Variants in IL1RAPL1 observed in about 807,000 individuals in gnomAD.
IL1RAPL1 encodes the protein interleukin-1 receptor accessory protein-like 1.
In IL1RAPL1, 3 loss-of-function variants were observed where a neutral mutation model predicts 48.4. The ratio of observed to expected loss-of-function variants is 0.06; its 90% CI spans 0.03 to 0.16. The LOEUF (loss-of-function observed/expected upper bound fraction) is 0.16, where lower values mean the gene tolerates loss of function less well. IL1RAPL1 is among the 10% of genes least tolerant of loss of function. The probability of loss-of-function intolerance (pLI) is 1.00; values close to 1 mark genes in which losing one functional copy is unlikely to be tolerated. For synonymous variants in IL1RAPL1, 185 were observed against 187.7 expected (o/e 0.99, Z 0.12); for missense variants, 349 against 530.6 (o/e 0.66, Z 3.36).
At chrX:29,331,933 T>C (rs1602175394) in intron 3 of IL1RAPL1, among the ~76,000 whole-genome samples, 1 of 110,497 alleles carries the variant, frequency 9.1e-6, no homozygotes, top group African/African-American at 3.3e-5. Flanking sequence ...ATCATAATTA[T>C]AAGAAATCAC....
intron 6 of IL1RAPL1, among the ~76,000 whole-genome samples, chrX:29,900,894 A>G (rs1333581497): frequency 8.9e-6 from 1 of 111,985 alleles, no homozygotes. Flanking sequence ...CTGGGTAACA[A>G]GGATACCCCA....
At chrX:29,257,698 G>A (rs1367674135) in intron 2 of IL1RAPL1, among the ~76,000 whole-genome samples, 1 of 111,529 alleles carries the variant, frequency 9.0e-6, no homozygotes, top group Admixed American at 9.6e-5. Flanking sequence ...AATTCCTTAG[G>A]GGATATGCTT....
intron 5 of IL1RAPL1, among the ~76,000 whole-genome samples, chrX:29,584,254 TCTC>T (rs776583590): frequency 9.0e-5 from 10 of 111,312 alleles, no homozygotes; most frequent in Non-Finnish European, 1.5e-4. Context: ...CTACAGCAAT[TCTC>T]CTTTTTCTCC....
intron 6 of IL1RAPL1, among the ~76,000 whole-genome samples, chrX:29,783,186 G>T (rs919397634): frequency 9.1e-6 from 1 of 110,163 alleles, no homozygotes; most frequent in East Asian, 2.8e-4. Flanking sequence ...TTACAGGCGT[G>T]AGCCACCGCG....
chrX:28,940,368 A>G (rs749855073), intron 2 of IL1RAPL1, among the ~76,000 whole-genome samples: 14 of 111,511 alleles, frequency 1.3e-4, no homozygotes, highest in Admixed American at 3.8e-4. Flanking sequence ...CTTGAAACTG[A>G]TTTGAATTGA....
chrX:29,253,108 AACATG>A (rs1290666583), intron 2 of IL1RAPL1, among the ~76,000 whole-genome samples: 1 of 111,245 alleles, frequency 9.0e-6, no homozygotes. Context: ...AAAGTGAAAT[AACATG>A]TCTAAGATTA....
chrX:29,255,361 G>T (rs780471954), intron 2 of IL1RAPL1, among the ~76,000 whole-genome samples: 1 of 109,504 alleles, frequency 9.1e-6, no homozygotes, highest in South Asian at 3.9e-4. Flanking sequence ...ATTCATGGTC[G>T]TTGAAGTATC....
At chrX:28,907,452 G>C (rs1190409669) in intron 2 of IL1RAPL1, among the ~76,000 whole-genome samples, 2 of 111,288 alleles carry the variant, frequency 1.8e-5, no homozygotes, top group African/African-American at 6.5e-5. Context: ...ACGGGGTTTT[G>C]CCATGTTGAC....
At chrX:29,829,194 A>G (rs1194561963) in intron 6 of IL1RAPL1, among the ~76,000 whole-genome samples, 8 of 104,681 alleles carry the variant, frequency 7.6e-5, no homozygotes, top group Admixed American at 7.1e-4. Flanking sequence ...ACACACACAC[A>G]CACACACACA....
chrX:29,611,824 G>A (rs892950791), intron 5 of IL1RAPL1, among the ~76,000 whole-genome samples: 1 of 110,698 alleles, frequency 9.0e-6, no homozygotes, highest in African/African-American at 3.3e-5. Context: ...TGGATGGGGA[G>A]CTCGAAAGGG....
At chrX:28,681,104 T>C (rs1176676931) in intron 1 of IL1RAPL1, among the ~76,000 whole-genome samples, 1 of 111,739 alleles carries the variant, frequency 8.9e-6, no homozygotes, top group Non-Finnish European at 1.9e-5. Flanking sequence ...TTGTTATTGG[T>C]CTTTTCAGGC....
At chrX:29,915,325 G>C (rs760284220) in intron 6 of IL1RAPL1, among the ~76,000 whole-genome samples, 1 of 111,572 alleles carries the variant, frequency 9.0e-6, no homozygotes, top group African/African-American at 3.3e-5. Flanking sequence ...AGGAATCCAA[G>C]TCTGTGAGGA....
Position 29,236,726 on chromosome X carries a change from A to ATT in IL1RAPL1, c.83-46198_83-46197dup, listed in dbSNP as rs386416818. Reference sequence around the variant, plus strand: ...TACAGGCGCCCACCACGCCTGGCTAATTTTTTTTTTTTTTTGTATTTTTAG... The same window carrying ATT: ...TACAGGCGCCCACCACGCCTGGCTAATTTTTTTTTTTTTTTTTGTATTTTTAG... On this transcript the variant is annotated intron_variant, in intron 2 of 10. Transcript: ENST00000378993. 3.4e-3 allele frequency among the ~76,000 whole-genome samples: 295 copies of ATT among 87,110 alleles called. 2 individuals carry two copies. Among genetic ancestry groups the ATT allele is most frequent in the African/African-American group, 7.7e-3 (183 of 23,746 alleles). The allele number at this position is 87,110 out of a possible 115,157, so 75.6% of individuals were successfully genotyped here.
At chrX:28,759,592 T>C (rs991302821) in intron 1 of IL1RAPL1, among the ~76,000 whole-genome samples, 5 of 112,022 alleles carry the variant, frequency 4.5e-5, no homozygotes, top group African/African-American at 6.5e-5. Context: ...GAAGGAAGCA[T>C]ACATTTGGCC....
intron 5 of IL1RAPL1, among the ~76,000 whole-genome samples, chrX:29,418,869 GT>G (rs756422023): frequency 1.6e-4 from 18 of 111,899 alleles, no homozygotes; most frequent in Non-Finnish European, 3.2e-4. Context: ...TTGTCTTTGA[GT>G]TAAATAAACC....
intron 6 of IL1RAPL1, among the ~76,000 whole-genome samples, chrX:29,904,682 C>G (rs1219179964): frequency 3.6e-5 from 4 of 111,539 alleles, no homozygotes; most frequent in African/African-American, 1.3e-4. Context: ...TCATCCATGT[C>G]CCTGCAAAGG....
intron 5 of IL1RAPL1, among the ~76,000 whole-genome samples, chrX:29,455,435 A>G (rs1934728451): frequency 8.9e-6 from 1 of 112,035 alleles, no homozygotes; most frequent in Admixed American, 9.5e-5. Context: ...AGGTTATAAT[A>G]TACACTCCAA....
chrX:29,806,659 TA>T (rs932246805), intron 6 of IL1RAPL1, among the ~76,000 whole-genome samples: 1 of 111,314 alleles, frequency 9.0e-6, no homozygotes, highest in African/African-American at 3.3e-5. Flanking sequence ...CTTTATCATA[TA>T]AAAAGACTAG....
chrX:29,809,719 A>G (rs1183761361), intron 6 of IL1RAPL1, among the ~76,000 whole-genome samples: 1 of 110,442 alleles, frequency 9.1e-6, no homozygotes, highest in African/African-American at 3.3e-5. Flanking sequence ...TCCTACACAT[A>G]GTTATTATGC....
Sources: gnomAD v4.1 joint callset for allele counts (sites outside exome capture counted in the v4.1 genomes callset) on GRCh38, gnomAD v4.1.1 for gene constraint, MANE v1.5 for transcripts, NCBI Gene and HGNC (gene_info 2026-07-23, HGNC 2026-07-21) for gene names.